DCAF4: variants seen among roughly 807,000 people sequenced by gnomAD.
DCAF4 encodes DDB1- and CUL4-associated factor 4.
A neutral mutation model predicts 60.9 loss-of-function variants in DCAF4; 37 were observed. The observed-to-expected ratio is 0.61, with a 90% confidence interval of 0.47 to 0.80. The LOEUF (loss-of-function observed/expected upper bound fraction) is 0.80. Ranked by LOEUF, DCAF4 falls within the 30% of genes least tolerant of loss-of-function variation. The pLI, the probability that DCAF4 is intolerant of heterozygous loss-of-function variation, is 0.00. For missense variants in DCAF4, 577 were observed against 650.0 expected, an observed-to-expected ratio of 0.89 and a Z score of 1.22; for synonymous variants, 243 against 254.8, an observed-to-expected ratio of 0.95 and a Z score of 0.44.
rs764529230 is a variant in DCAF4, at chr14:72,956,439, C to T, written c.1233C>T (p.His411=). 1.4e-5 allele frequency: 23 copies of T among 1,613,424 alleles called. No homozygotes were observed. Among genetic ancestry groups the T allele is most frequent in the South Asian group, 1.3e-4 (12 of 90,996 alleles). ...AGTGCGTAAGGCAGTACGAAGGCCACGTGAATGAGTACGCCTACCTGCCCC... is the reference window on the plus strand; with the variant it reads ...AGTGCGTAAGGCAGTACGAAGGCCATGTGAATGAGTACGCCTACCTGCCCC... The part of the protein sequence containing the change: ...TTKCVRQYEG[H]VNEYAYLPLH... The change falls in exon 13 of 14, where the codon CAC becomes CAT. Residue 411 remains histidine, a synonymous_variant. Transcript: ENST00000358377.
At chr14:72,949,630 C>T (rs1225625519) in intron 8 of DCAF4, among the ~76,000 whole-genome samples, 4 of 151,978 alleles carry the variant, frequency 2.6e-5, no homozygotes, top group Non-Finnish European at 4.4e-5. Context: ...TGGCACGCAC[C>T]CGTAATCCCA....
At chr14:72,934,704 C>A (rs931022615) in intron 1 of DCAF4, among the ~76,000 whole-genome samples, 3 of 152,320 alleles carry the variant, frequency 2.0e-5, no homozygotes, top group Admixed American at 6.5e-5. Context: ...CCTGGGTCTT[C>A]ATCCTTATCC....
intron 1 of DCAF4, chr14:72,929,646 GC>G: frequency 7.7e-7 from 1 of 1,306,140 alleles, no homozygotes; most frequent in Non-Finnish European, 1.1e-6. Context: ...CCTCATGGCA[GC>G]CAGTACCTTG....
intron 7 of DCAF4, 84 bp downstream of exon 7, chr14:72,946,111 G>A: frequency 6.5e-7 from 1 of 1,526,790 alleles, no homozygotes; most frequent in Non-Finnish European, 8.9e-7. Flanking sequence ...GAGCAACTGG[G>A]GAAGAGGGCA....
rs1555527852 is a variant in DCAF4, at chr14:72,953,732, A to AAATAT, written c.809-431_809-430insATATA. On this transcript the variant is annotated intron_variant, in intron 9 of 13. Coordinates refer to ENST00000358377, the MANE Select transcript of DCAF4 (RefSeq NM_015604.4). ...CTTAAAAAAAAAAAAAAAAAAAAAA[A>AAATAT]ATATATATATATATATATATATATA... Among the ~76,000 whole-genome samples the AAATAT allele has an allele frequency of 1.8e-4, 4 of 21,776 alleles. 1 individual carries two copies. The highest frequency in any genetic ancestry group is 7.0e-4 in the African/African-American group (3 of 4,290). 14.3% of individuals were successfully genotyped at this position (21,776 alleles called of 152,430 possible).
At chr14:72,934,618 A>C (rs778590362) in intron 1 of DCAF4, among the ~76,000 whole-genome samples, 1 of 152,070 alleles carries the variant, frequency 6.6e-6, no homozygotes, top group Non-Finnish European at 1.5e-5. Flanking sequence ...TTCAGACTGC[A>C]CTTATCTCCC....
intron 9 of DCAF4, among the ~76,000 whole-genome samples, chr14:72,953,269 G>A (rs976209438): frequency 1.3e-5 from 2 of 151,828 alleles, no homozygotes; most frequent in Non-Finnish European, 2.9e-5. Context: ...TAAAGTGCTG[G>A]GATTACAGGC....
intron 8 of DCAF4, among the ~76,000 whole-genome samples, chr14:72,948,477 G>A (rs935428225): frequency 6.6e-6 from 1 of 152,200 alleles, no homozygotes; most frequent in Non-Finnish European, 1.5e-5. Flanking sequence ...ATGGGGTTCT[G>A]TAGGCCAATG....
At chr14:72,945,125 C>T (rs982554347) in intron 6 of DCAF4, among the ~76,000 whole-genome samples, 4 of 146,664 alleles carry the variant, frequency 2.7e-5, no homozygotes, top group African/African-American at 1.0e-4. Context: ...AGGCATGGTG[C>T]CTCACACCTG....
At chr14:72,946,227 CAA>C (rs77222663) in intron 7 of DCAF4, among the ~76,000 whole-genome samples, 200 bp downstream of exon 7, 9 of 69,928 alleles carry the variant, frequency 1.3e-4, no homozygotes, top group Admixed American at 1.7e-4. Context: ...CTTGTCTCTA[CAA>C]AAAAAAAAAA....
chr14:72,934,055 C>T (rs1888926991), intron 1 of DCAF4, among the ~76,000 whole-genome samples: 1 of 152,186 alleles, frequency 6.6e-6, no homozygotes, highest in Non-Finnish European at 1.5e-5. Context: ...CATGCCCTGT[C>T]TGCCTCTGCA....
rs539243703 is a variant in DCAF4, at chr14:72,943,768, C to G, written c.534+672C>G. Among the ~76,000 whole-genome samples, 4 of 152,280 alleles carry G rather than the reference C, an allele frequency of 2.6e-5. No individual in the cohort carries two copies. The South Asian group carries it at 8.3e-4, about 32-fold the overall frequency. ...GCCTGCCCGGCAAGCCCTATCCTTC[C>G]TGGAGGCTGAGGGAAAGCCAGGGAG... On this transcript the variant is annotated intron_variant, in intron 6 of 13. Transcript: ENST00000358377.
chr14:72,951,463 T>A (rs1262480877), intron 8 of DCAF4, among the ~76,000 whole-genome samples: 2 of 151,956 alleles, frequency 1.3e-5, no homozygotes, highest in Non-Finnish European at 2.9e-5. Context: ...AATACAAAAT[T>A]ACCCGGGCGT....
rs1270059721 is a variant in DCAF4 at position 72,958,597 on chromosome 14, TCTC to T, written c.1295-11_1295-9del. ...TTCTCTCACTAGCCTGCCATGTGTC[TCTC>T]CTCTTTCCTAGTGGGCCAGGACTGC... On this transcript the variant is annotated splice_polypyrimidine_tract_variant and intron_variant, in intron 13 of 13. Transcript: ENST00000358377. 3.7e-6 allele frequency: 6 copies of T among 1,613,930 alleles called. No homozygotes were observed. The highest frequency in any genetic ancestry group is 4.2e-6 in the Non-Finnish European group (5 of 1,179,968).
At chr14:72,940,594 T>TTG in intron 4 of DCAF4, 1 of 424,218 alleles carries the variant, frequency 2.4e-6, no homozygotes, top group African/African-American at 2.1e-5. Flanking sequence ...ATAAGTTGTT[T>TTG]TTTTTTTTTT....
In DCAF4 at chr14:72,959,412, C is replaced by G; in HGVS notation, c.*607C>G. On this transcript the variant is annotated 3_prime_UTR_variant, in exon 14 of 14. Coordinates refer to ENST00000358377, the MANE Select transcript of DCAF4 (RefSeq NM_015604.4). ...GGCGTTGGAAGGAAAGATGGATCTT[C>G]TTACATGCTAGAAGTTTTAAACGGT... The G allele has an allele frequency of 3.0e-6, 3 of 985,440 alleles. No individual in the cohort carries two copies. The highest frequency in any genetic ancestry group is 2.4e-6 in the Non-Finnish European group (2 of 829,952). 61.0% of individuals were successfully genotyped at this position (985,440 alleles called of 1,614,324 possible). A position where few individuals can be genotyped will look rare whatever the true frequency, so the allele number is the denominator to read the frequency against.
chr14:72,955,796 G>T, intron 12 of DCAF4, 100 bp downstream of exon 12: 1 of 1,179,580 alleles, frequency 8.5e-7, no homozygotes, highest in East Asian at 2.4e-5. Flanking sequence ...CAAGACCCCA[G>T]GCAGGGGAAT....
At chr14:72,926,950 G>A (rs1887642022) in intron 1 of DCAF4, 1 of 152,366 alleles carries the variant, frequency 6.6e-6, no homozygotes, top group Non-Finnish European at 1.5e-5. Context: ...CAGGTTAGGT[G>A]TGGTTGAAGC....
intron 6 of DCAF4, among the ~76,000 whole-genome samples, chr14:72,944,492 A>C (rs2140253281): frequency 6.6e-6 from 1 of 152,328 alleles, no homozygotes; most frequent in Admixed American, 6.5e-5. Flanking sequence ...ATGAGAAAAG[A>C]AAAGCTTAAA....
Sources: allele counts gnomAD v4.1 joint callset (sites outside exome capture counted in the v4.1 genomes callset), GRCh38; gene constraint gnomAD v4.1.1; transcripts MANE v1.5; gene names NCBI Gene and HGNC (gene_info 2026-07-23, HGNC 2026-07-21).